Variants in PDP1 observed in about 807,000 individuals in gnomAD.
PDP1 encodes the protein pyruvate dehyrogenase phosphatase catalytic subunit 1.
In PDP1, 14 loss-of-function variants were observed where a neutral mutation model predicts 37.1. That is an observed-to-expected ratio of 0.38 (90% CI 0.25 to 0.59). The LOEUF (loss-of-function observed/expected upper bound fraction) is 0.59. Ranked by LOEUF, PDP1 falls within the 20% of genes least tolerant of loss-of-function variation. The probability of loss-of-function intolerance (pLI) is 0.67; values close to 1 mark genes in which losing one functional copy is unlikely to be tolerated. For missense variants in PDP1, 544 were observed against 655.3 expected (o/e 0.83, Z 1.85); for synonymous variants, 251 against 243.3 (o/e 1.03, Z -0.29).
At chr8:93,917,208 T>G (rs1810091227) in intron 1 of PDP1, 129 bp downstream of exon 1, 1 of 203,518 alleles carries the variant, frequency 4.9e-6, no homozygotes, top group Admixed American at 7.3e-5. Flanking sequence ...GGACGAGCCC[T>G]GGAGCGCCAG....
intron 1 of PDP1, among the ~76,000 whole-genome samples, chr8:93,919,481 C>T (rs1228394260): frequency 8.1e-6 from 1 of 122,950 alleles, no homozygotes; most frequent in African/African-American, 3.1e-5. Flanking sequence ...AAATTCCTCC[C>T]CCCGCTGCCC....
chr8:93,919,383 C>G (rs1384324513), intron 1 of PDP1, among the ~76,000 whole-genome samples: 1 of 151,990 alleles, frequency 6.6e-6, no homozygotes, highest in Non-Finnish European at 1.5e-5. Flanking sequence ...CAGAATTAGC[C>G]GGGCAGGAGA....
chr8:93,921,756 C>A (rs933542992), intron 1 of PDP1: 55 of 397,502 alleles, frequency 1.4e-4, no homozygotes, highest in African/African-American at 9.9e-4. Context: ...GCACAAAGGA[C>A]GACAAAGAAA....
At chr8:93,921,837 C>A in intron 1 of PDP1, 179 bp from the exon 2 acceptor site, 1 of 520,206 alleles carries the variant, frequency 1.9e-6, no homozygotes, top group Non-Finnish European at 3.4e-6. Flanking sequence ...GGGAGTTGTG[C>A]CTGCCAGAAT....
At position 93,922,177 on chromosome 8, in the gene PDP1, C is replaced by T; in HGVS notation, c.118C>T (p.Pro40Ser). 6.2e-7 allele frequency: 1 copy of T among 1,614,196 alleles called. No individual in the cohort carries two copies. The highest frequency in any genetic ancestry group is 8.5e-7 in the Non-Finnish European group (1 of 1,180,024). Residue 40 changes from proline to serine, a missense_variant, in exon 2 of 2, where the codon CCT becomes TCT. Physicochemically the swap from Pro to Ser is moderately conservative, Grantham distance 74. This residue lies in a region of PDP1 where 342 missense variants were observed against 414.0 expected (regional missense o/e 0.83). Coordinates refer to ENST00000297598, the MANE Select transcript of PDP1 (RefSeq NM_018444.4). The surrounding 1 kb of genome is among the most constrained non-coding windows in gnomAD (Gnocchi z 4.0). ...TCTCTGTTGTTCCTCATCGTACATT[C>T]CTCAGAGTCGACTGAGATACACACC... ...KHLCCSSSYIPQSRLRYTPHP... is the reference protein window; with the variant it reads ...KHLCCSSSYISQSRLRYTPHP...
chr8:93,917,008 G>A lies in PDP1; in HGVS notation c.-116G>A, dbSNP rs1434626760. Reference sequence around the variant, plus strand: ...GGAGCTGCACGGGGCTGCGTGGAAAGAGCGCCGAGCGGTGGCGTCGTTGTC... The same window carrying A: ...GGAGCTGCACGGGGCTGCGTGGAAAAAGCGCCGAGCGGTGGCGTCGTTGTC... On this transcript the variant is annotated 5_prime_UTR_variant, in exon 1 of 2. Coordinates refer to ENST00000297598, the MANE Select transcript of PDP1 (RefSeq NM_018444.4). 3 of 477,982 alleles carry A rather than the reference G, an allele frequency of 6.3e-6. No homozygotes were observed. The highest frequency in any genetic ancestry group is 8.3e-6 in the Non-Finnish European group (2 of 241,426). 29.6% of individuals were successfully genotyped at this position (477,982 alleles called of 1,614,324 possible).
In PDP1 at chr8:93,917,155, C is replaced by T. The variant is rs1810088105; in HGVS notation, c.-45+76C>T. Reference sequence around the variant, plus strand: ...CCCGTCCAAAGTTGTGAGGGGGCGCCGGGCGTGCTCGCGGATCGGCGGCCG... The same window carrying T: ...CCCGTCCAAAGTTGTGAGGGGGCGCTGGGCGTGCTCGCGGATCGGCGGCCG... On this transcript the variant is annotated intron_variant, in intron 1 of 1. Coordinates refer to ENST00000297598, the MANE Select transcript of PDP1 (RefSeq NM_018444.4). The T allele has an allele frequency of 1.9e-5, 8 of 415,848 alleles. 1 individual carries two copies. Among genetic ancestry groups the T allele is most frequent in the South Asian group, 8.9e-5 (5 of 56,134 alleles). 25.8% of individuals were successfully genotyped at this position (415,848 alleles called of 1,614,324 possible).
chr8:93,919,090 C>G (rs972489840), intron 1 of PDP1: 2 of 947,458 alleles, frequency 2.1e-6, no homozygotes, highest in African/African-American at 1.8e-5. Flanking sequence ...TGTTTTTAAT[C>G]TCAAGAATTT....
chr8:93,919,177 C>T (rs1810180897), intron 1 of PDP1: 3 of 934,042 alleles, frequency 3.2e-6, no homozygotes, highest in African/African-American at 3.6e-5. Context: ...CTGTGTCAAT[C>T]ATTGCTTTTT....
In PDP1 at chr8:93,916,935, C is replaced by T. The variant is rs753531431; in HGVS notation, c.-189C>T. On this transcript the variant is annotated 5_prime_UTR_variant, in exon 1 of 2. In the 5' UTR this introduces an upstream ATG that the reference lacks. Transcript: ENST00000297598. ...GGCGGGGCAGGGTGGCGGCCCCGCA[C>T]GGTAGGGGAGCAGAGTGGGCAGGCC... 2.6e-6 allele frequency: 1 copy of T among 386,322 alleles called. No homozygotes were observed. The highest frequency in any genetic ancestry group is 5.1e-6 in the Non-Finnish European group (1 of 197,458). 23.9% of individuals were successfully genotyped at this position (386,322 alleles called of 1,614,324 possible).
In PDP1 at chr8:93,922,943, T is replaced by C. The variant is rs1810328787; in HGVS notation, c.884T>C (p.Met295Thr). 1 of 1,614,028 alleles carries C rather than the reference T, an allele frequency of 6.2e-7. No homozygotes were observed. The highest frequency in any genetic ancestry group is 2.2e-5 in the East Asian group (1 of 44,886). Residue 295 changes from methionine (M) to threonine (T), a missense_variant, in exon 2 of 2, where the codon ATG becomes ACG. This residue lies in a region of PDP1 where 342 missense variants were observed against 414.0 expected (regional missense o/e 0.83). Coordinates refer to ENST00000297598, the MANE Select transcript of PDP1 (RefSeq NM_018444.4). The surrounding 1 kb of genome is among the most constrained non-coding windows in gnomAD (Gnocchi z 4.0). Reference protein sequence around the residue: ...HVANTGDSRAMLGVQEEDGSW... With the variant: ...HVANTGDSRATLGVQEEDGSW... ...GCCAATACTGGCGATAGCAGAGCCA[T>C]GCTGGGTGTGCAGGAAGAGGACGGC...
At chr8:93,919,466 G>A (rs1354441585) in intron 1 of PDP1, among the ~76,000 whole-genome samples, 2 of 151,402 alleles carry the variant, frequency 1.3e-5, no homozygotes, top group African/African-American at 4.9e-5. Context: ...TGGGCAACAA[G>A]AGCAAAATTC....
rs1810307776 is a variant in PDP1, at chr8:93,922,420, G to T, written c.361G>T (p.Ala121Ser). 1 of 1,613,990 alleles carries T rather than the reference G, an allele frequency of 6.2e-7. No homozygotes were observed. Among genetic ancestry groups the T allele is most frequent in the African/African-American group, 1.3e-5 (1 of 74,926 alleles). The change falls in exon 2 of 2, where the codon GCA (alanine) becomes TCA (serine). Residue 121 changes from alanine to serine, a missense_variant. Physicochemically the swap from Ala to Ser is moderately conservative, Grantham distance 99. Coordinates refer to ENST00000297598, the MANE Select transcript of PDP1 (RefSeq NM_018444.4). The surrounding 1 kb of genome is among the most constrained non-coding windows in gnomAD (Gnocchi z 4.0). ...TGACAGCAATCAGCTGCCTGCAAAT[G>T]CACCCATTGAGGACCGGAGAAGTGC... ...GFDSNQLPANAPIEDRRSAAT... is the reference protein window; with the variant it reads ...GFDSNQLPANSPIEDRRSAAT...
chr8:93,922,275 T>A lies in PDP1; in HGVS notation c.216T>A (p.Ala72=). The stretch of plus-strand genomic sequence containing the variant: ...AGTACACCCAAGGAAGGAGATATGC[T>A]TCCACACCACAGAAATTTTACCTCA... ...WWQYTQGRRY[A]STPQKFYLTP... Residue 72 remains alanine (A), a synonymous_variant, in exon 2 of 2, where the codon GCT becomes GCA. Coordinates refer to ENST00000297598, the MANE Select transcript of PDP1 (RefSeq NM_018444.4). This position sits in a 1 kb window ranked among gnomAD's most constrained non-coding sequence, Gnocchi z 4.0. 1.9e-6 allele frequency: 3 copies of A among 1,614,202 alleles called. No individual in the cohort carries two copies. The highest frequency in any genetic ancestry group is 1.1e-5 in the South Asian group (1 of 91,076).
In PDP1 at chr8:93,923,047, C is replaced by G; in HGVS notation, c.988C>G (p.Pro330Ala). The change falls in exon 2 of 2, where the codon CCA becomes GCA. Residue 330 changes from proline (P) to alanine (A), a missense_variant. Coordinates refer to ENST00000297598, the MANE Select transcript of PDP1 (RefSeq NM_018444.4). This position sits in a 1 kb window ranked among gnomAD's most constrained non-coding sequence, Gnocchi z 4.3. Reference sequence around the variant, plus strand: ...ACTAGAACGGCTGAAATTGGAACATCCAAAGAGTGAGGCCAAGAGTGTCGT... The same window carrying G: ...ACTAGAACGGCTGAAATTGGAACATGCAAAGAGTGAGGCCAAGAGTGTCGT... ...RELERLKLEH[P>A]KSEAKSVVKQ... The G allele has an allele frequency of 6.2e-7, 1 of 1,614,178 alleles. No individual in the cohort carries two copies. The highest frequency in any genetic ancestry group is 1.1e-5 in the South Asian group (1 of 91,084).
rs773326652 is a variant in PDP1, at chr8:93,923,687, C to T, written c.*14C>T. ...AACCAAGAATAGTGAGTGGCTCTTT[C>T]ACTGGCAATTCTCAAATGATATACA... On this transcript the variant is annotated 3_prime_UTR_variant, in exon 2 of 2. Transcript: ENST00000297598. This position sits in a 1 kb window ranked among gnomAD's most constrained non-coding sequence, Gnocchi z 4.3. 1.3e-6 allele frequency: 2 copies of T among 1,586,504 alleles called. No homozygotes were observed. Among genetic ancestry groups the T allele is most frequent in the Admixed American group, 3.3e-5 (2 of 59,978 alleles).
At position 93,922,125 on chromosome 8, in the gene PDP1, C is replaced by T. The variant is rs749664764; in HGVS notation, c.66C>T (p.Gly22=). Residue 22 remains glycine, a synonymous_variant, in exon 2 of 2, where the codon GGC becomes GGT. Coordinates refer to ENST00000297598, the MANE Select transcript of PDP1 (RefSeq NM_018444.4). This position sits in a 1 kb window ranked among gnomAD's most constrained non-coding sequence, Gnocchi z 4.0. The stretch of plus-strand genomic sequence containing the variant: ...ACTGTGAACTGAGCAGGATCTATGG[C>T]ACTGCATGTTACTGCCACCACAAAC... ...IRNCELSRIY[G]TACYCHHKHL... 1 of 1,613,840 alleles carries T rather than the reference C, an allele frequency of 6.2e-7. No individual in the cohort carries two copies.
chr8:93,925,795 A>C lies in PDP1; in HGVS notation c.*2122A>C. The C allele has an allele frequency of 6.0e-6, 1 of 167,098 alleles. No individual in the cohort carries two copies. Among genetic ancestry groups the C allele is most frequent in the East Asian group, 1.9e-4 (1 of 5,208 alleles). 10.4% of individuals were successfully genotyped at this position (167,098 alleles called of 1,614,324 possible). The stretch of plus-strand genomic sequence containing the variant: ...GTGTCTAGAATTAAAGAATACATGT[A>C]AACTTTCATGGTATTTAGCCTTTCT... On this transcript the variant is annotated 3_prime_UTR_variant, in exon 2 of 2. Coordinates refer to ENST00000297598, the MANE Select transcript of PDP1 (RefSeq NM_018444.4).
In PDP1 at chr8:93,923,064, G is replaced by A; in HGVS notation, c.1005G>A (p.Lys335=). 1.2e-6 allele frequency: 2 copies of A among 1,614,208 alleles called. No homozygotes were observed. Among genetic ancestry groups the A allele is most frequent in the Non-Finnish European group, 1.7e-6 (2 of 1,180,038 alleles). The change falls in exon 2 of 2, where the codon AAG becomes AAA. Residue 335 remains lysine (K), a synonymous_variant. Coordinates refer to ENST00000297598, the MANE Select transcript of PDP1 (RefSeq NM_018444.4). This position sits in a 1 kb window ranked among gnomAD's most constrained non-coding sequence, Gnocchi z 4.3. The part of the protein sequence containing the change: ...LKLEHPKSEA[K]SVVKQDRLLG... ...TGGAACATCCAAAGAGTGAGGCCAA[G>A]AGTGTCGTGAAACAGGATCGGCTGC...
Sources: gnomAD v4.1 joint callset for allele counts (sites outside exome capture counted in the v4.1 genomes callset) on GRCh38, gnomAD v4.1.1 for gene constraint, gnomAD v4.1.1 regional missense constraint, Gnocchi (gnomAD v3.1) non-coding constraint, MANE v1.5 for transcripts, NCBI Gene and HGNC (gene_info 2026-07-23, HGNC 2026-07-21) for gene names.